SLC41A1: variants seen among roughly 807,000 people sequenced by gnomAD.
The protein encoded by SLC41A1 is solute carrier family 41 member 1, also known as solute carrier family 41 (magnesium transporter), member 1.
SLC41A1 carries 20 observed loss-of-function variants against 47.3 expected under a neutral mutation model. The ratio of observed to expected loss-of-function variants is 0.42; its 90% CI spans 0.30 to 0.61. SLC41A1 has a LOEUF of 0.61. Ranked by LOEUF, SLC41A1 falls within the 20% of genes least tolerant of loss-of-function variation. SLC41A1 has a pLI of 0.17. For missense variants in SLC41A1, 504 were observed against 674.1 expected (o/e 0.75, Z 2.79); for synonymous variants, 282 against 272.7 (o/e 1.03, Z -0.34).
chr1:205,811,421 G>A (rs980188047), intron 1 of SLC41A1, among the ~76,000 whole-genome samples: 10 of 152,200 alleles, frequency 6.6e-5, no homozygotes, highest in Non-Finnish European at 4.4e-5. Context: ...GTGGGTAGGT[G>A]TGTCCTCAGC....
At chr1:205,795,623 C>A in intron 8 of SLC41A1, 145 bp from the exon 9 acceptor site, 2 of 1,013,112 alleles carry the variant, frequency 2.0e-6, no homozygotes, top group Admixed American at 2.0e-5. Flanking sequence ...CACCCATTCA[C>A]CAGTCCCCAA....
rs1054053604 is a variant in SLC41A1 at position 205,790,908 on chromosome 1, T to G, written c.*625A>C. On this transcript the variant is annotated 3_prime_UTR_variant, in exon 11 of 11. Transcript: ENST00000367137. Reference sequence around the variant, plus strand: ...TGACCAGGCCATTGAACAAGAGGCATGTGCACAAATTGAAAAGTCAGTCCA... The same window carrying G: ...TGACCAGGCCATTGAACAAGAGGCAGGTGCACAAATTGAAAAGTCAGTCCA... 6.3e-6 allele frequency: 1 copy of G among 158,808 alleles called. No individual in the cohort carries two copies. Among genetic ancestry groups the G allele is most frequent in the African/African-American group, 2.4e-5 (1 of 41,444 alleles). The allele number at this position is 158,808 out of a possible 1,614,324, so 9.8% of individuals were successfully genotyped here.
chr1:205,799,694 A>G, intron 4 of SLC41A1, 65 bp downstream of exon 4: 1 of 1,557,058 alleles, frequency 6.4e-7, no homozygotes, highest in Non-Finnish European at 8.8e-7. Flanking sequence ...GGCTGACCTA[A>G]GCCTTTCAGA....
chr1:205,793,871 T>C (rs1655680992), intron 10 of SLC41A1, among the ~76,000 whole-genome samples: 1 of 152,222 alleles, frequency 6.6e-6, no homozygotes, highest in South Asian at 2.1e-4. Flanking sequence ...ACTGATGGTC[T>C]GTGAAGGAGA....
Position 205,791,792 on chromosome 1 carries a change from C to T in SLC41A1, c.1357-74G>A. The T allele has an allele frequency of 6.4e-7, 1 of 1,559,046 alleles. No homozygotes were observed. On this transcript the variant is annotated intron_variant, in intron 10 of 10. Coordinates refer to ENST00000367137, the MANE Select transcript of SLC41A1 (RefSeq NM_173854.6). This position sits in a 1 kb window ranked among gnomAD's most constrained non-coding sequence, Gnocchi z 4.0. ...GGAGCCAGAGGCCACATGATCAGAC[C>T]CATTCAGTGCATCACAGGGCTTGGC...
chr1:205,796,678 T>G, intron 8 of SLC41A1: 1 of 578,140 alleles, frequency 1.7e-6, no homozygotes, highest in Non-Finnish European at 3.1e-6. Flanking sequence ...GATACTCCCC[T>G]TGACCCTTTA....
chr1:205,813,079 CG>C lies in SLC41A1; in HGVS notation c.-919del, dbSNP rs914179462. On this transcript the variant is annotated 5_prime_UTR_variant, in exon 1 of 11. Transcript: ENST00000367137. ...GCAGGATATATCGCTTCGGGCCCGG[CG>C]GGGGGGCACCCGGACGGGGGACCGG... 7.1e-6 allele frequency: 7 copies of C among 985,182 alleles called. No individual in the cohort carries two copies. The highest frequency in any genetic ancestry group is 1.7e-5 in the African/African-American group (1 of 57,172). The allele number at this position is 985,182 out of a possible 1,614,324, so 61.0% of individuals were successfully genotyped here.
In SLC41A1 at chr1:205,812,937, C is replaced by A. The variant is rs1417400883; in HGVS notation, c.-776G>T. On this transcript the variant is annotated 5_prime_UTR_variant, in exon 1 of 11. Transcript: ENST00000367137. Reference sequence around the variant, plus strand: ...GTCCTCCTTGGCCCCCGGCGTGCCCCCCCACACCCCCAGCCAAGGCGAGCG... The same window carrying A: ...GTCCTCCTTGGCCCCCGGCGTGCCCACCCACACCCCCAGCCAAGGCGAGCG... 1 of 985,686 alleles carries A rather than the reference C, an allele frequency of 1.0e-6. No individual in the cohort carries two copies. Among genetic ancestry groups the A allele is most frequent in the Non-Finnish European group, 1.2e-6 (1 of 830,250 alleles). The allele number at this position is 985,686 out of a possible 1,614,324, so 61.1% of individuals were successfully genotyped here.
chr1:205,810,604 G>T lies in SLC41A1; in HGVS notation c.-163C>A. ...ACTCCTACCAGGCACTGCAAAAACT[G>T]ATCCACCAACAGGCAGCCCCATCAA... On this transcript the variant is annotated 5_prime_UTR_variant, in exon 2 of 11. An upstream open reading frame in the 5' UTR gains an earlier in-frame stop. Coordinates refer to ENST00000367137, the MANE Select transcript of SLC41A1 (RefSeq NM_173854.6). This position sits in a 1 kb window ranked among gnomAD's most constrained non-coding sequence, Gnocchi z 5.5. 1 of 1,045,506 alleles carries T rather than the reference G, an allele frequency of 9.6e-7. No individual in the cohort carries two copies. Among genetic ancestry groups the T allele is most frequent in the Middle Eastern group, 2.7e-4 (1 of 3,744 alleles). 64.8% of individuals were successfully genotyped at this position (1,045,506 alleles called of 1,614,324 possible). A position where few individuals can be genotyped will look rare whatever the true frequency, so the allele number is the denominator to read the frequency against.
chr1:205,805,880 G>T (rs998452812), intron 2 of SLC41A1, among the ~76,000 whole-genome samples: 2 of 152,188 alleles, frequency 1.3e-5, no homozygotes, highest in Non-Finnish European at 2.9e-5. Flanking sequence ...GCCTTCAAGG[G>T]TTCTGGCCTG....
chr1:205,813,127 C>T lies in SLC41A1; in HGVS notation c.-966G>A. 3.0e-6 allele frequency: 3 copies of T among 985,574 alleles called. No homozygotes were observed. Among genetic ancestry groups the T allele is most frequent in the South Asian group, 4.7e-5 (1 of 21,278 alleles). 61.1% of individuals were successfully genotyped at this position (985,574 alleles called of 1,614,324 possible). ...CCGGGGAGCCGAGCTCACGCGCCCC[C>T]AATCGCTTCTTGCCCGCGGACTCGG... On this transcript the variant is annotated 5_prime_UTR_variant, in exon 1 of 11. Coordinates refer to ENST00000367137, the MANE Select transcript of SLC41A1 (RefSeq NM_173854.6).
chr1:205,810,595 G>T lies in SLC41A1; in HGVS notation c.-154C>A. On this transcript the variant is annotated 5_prime_UTR_variant, in exon 2 of 11. Coordinates refer to ENST00000367137, the MANE Select transcript of SLC41A1 (RefSeq NM_173854.6). This position sits in a 1 kb window ranked among gnomAD's most constrained non-coding sequence, Gnocchi z 5.5. ...CGGCTCTCCACTCCTACCAGGCACT[G>T]CAAAAACTGATCCACCAACAGGCAG... 1 of 1,132,132 alleles carries T rather than the reference G, an allele frequency of 8.8e-7. No individual in the cohort carries two copies. Among genetic ancestry groups the T allele is most frequent in the Non-Finnish European group, 1.3e-6 (1 of 791,306 alleles). 70.1% of individuals were successfully genotyped at this position (1,132,132 alleles called of 1,614,324 possible).
intron 10 of SLC41A1, among the ~76,000 whole-genome samples, chr1:205,793,717 ATAAACT>A (rs1034185149): frequency 6.6e-6 from 1 of 152,210 alleles, no homozygotes. Flanking sequence ...GATCTCAAAG[ATAAACT>A]TAAATGAAAA....
chr1:205,796,806 G>A, intron 8 of SLC41A1, 118 bp downstream of exon 8: 3 of 990,104 alleles, frequency 3.0e-6, no homozygotes, highest in Non-Finnish European at 4.7e-6. Context: ...AACCATCTGA[G>A]CTAGATTCTC....
intron 7 of SLC41A1, 48 bp from the exon 8 acceptor site, chr1:205,797,051 T>C (rs2102502802): frequency 6.5e-7 from 1 of 1,543,606 alleles, no homozygotes; most frequent in Non-Finnish European, 8.9e-7. Context: ...TGAAGGGTTC[T>C]GCCTTAGTCT....
Position 205,812,910 on chromosome 1 carries a change from C to A in SLC41A1, c.-749G>T. On this transcript the variant is annotated 5_prime_UTR_variant, in exon 1 of 11. Transcript: ENST00000367137. The stretch of plus-strand genomic sequence containing the variant: ...CCCTCTTCTCATCACTCCTCCTCGA[C>A]AGTCCTCCTTGGCCCCCGGCGTGCC... 2 of 985,598 alleles carry A rather than the reference C, an allele frequency of 2.0e-6. No individual in the cohort carries two copies. Among genetic ancestry groups the A allele is most frequent in the Non-Finnish European group, 2.4e-6 (2 of 830,056 alleles). 61.1% of individuals were successfully genotyped at this position (985,598 alleles called of 1,614,324 possible). A position where few individuals can be genotyped will look rare whatever the true frequency, so the allele number is the denominator to read the frequency against.
chr1:205,805,911 A>T (rs529975065), intron 2 of SLC41A1, among the ~76,000 whole-genome samples: 1 of 152,376 alleles, frequency 6.6e-6, no homozygotes, highest in African/African-American at 2.4e-5. Flanking sequence ...GGAGGGTAGC[A>T]GCAGGGAAGA....
At chr1:205,792,017 C>A (rs1178325064) in intron 10 of SLC41A1, among the ~76,000 whole-genome samples, 1 of 152,222 alleles carries the variant, frequency 6.6e-6, no homozygotes, top group African/African-American at 2.4e-5. Context: ...AGCTTCCTGA[C>A]CTAAATCCTA....
intron 1 of SLC41A1, 40 bp from the exon 2 acceptor site, chr1:205,811,127 A>C (rs1003021784): frequency 6.5e-6 from 1 of 153,786 alleles, no homozygotes; most frequent in African/African-American, 2.4e-5. Flanking sequence ...AGAACATTAC[A>C]CTATAGCAAA....
Sources: gnomAD v4.1 joint callset for allele counts (sites outside exome capture counted in the v4.1 genomes callset) on GRCh38, gnomAD v4.1.1 for gene constraint, Gnocchi (gnomAD v3.1) non-coding constraint, MANE v1.5 for transcripts, NCBI Gene and HGNC (gene_info 2026-07-23, HGNC 2026-07-21) for gene names.